The following PLPPR5 variants were observed in gnomAD, a reference collection of about 807,000 sequenced individuals.
The protein encoded by PLPPR5 is phospholipid phosphatase-related protein type 5.
In PLPPR5, 16 loss-of-function variants were observed where a neutral mutation model predicts 33.9. The observed-to-expected ratio is 0.47, with a 90% CI of 0.32 to 0.72. PLPPR5 has a LOEUF of 0.72. Among genes scored for constraint, PLPPR5 ranks in the 30% least tolerant of loss-of-function variants. The pLI is 0.03. For synonymous variants in PLPPR5, 163 were observed against 150.3 expected (o/e 1.08, Z -0.62); for missense variants, 301 against 406.7 (o/e 0.74, Z 2.23).
At chr1:98,915,022 A>G in intron 4 of PLPPR5, 102 bp from the exon 5 acceptor site, 1 of 1,003,550 alleles carries the variant, frequency 1.0e-6, no homozygotes, top group Admixed American at 2.6e-5. Context: ...GAAAGTATTA[A>G]AATTACTTAA....
At chr1:99,001,279 C>T (rs982825490) in intron 1 of PLPPR5, among the ~76,000 whole-genome samples, 10 of 151,788 alleles carry the variant, frequency 6.6e-5, no homozygotes, top group African/African-American at 2.4e-4. Flanking sequence ...GGACTACAGG[C>T]GCCCGCCACC....
chr1:98,895,387 T>A (rs1292349765), intron 5 of PLPPR5, among the ~76,000 whole-genome samples: 1 of 151,976 alleles, frequency 6.6e-6, no homozygotes, highest in Non-Finnish European at 1.5e-5. Flanking sequence ...CTGCTCCTCA[T>A]AAATTACCCA....
chr1:98,963,068 C>T (rs865808545), intron 1 of PLPPR5, among the ~76,000 whole-genome samples: 1 of 152,200 alleles, frequency 6.6e-6, no homozygotes, highest in Non-Finnish European at 1.5e-5. Flanking sequence ...GCAATTCCTA[C>T]ATAGCCTTCA....
intron 1 of PLPPR5, among the ~76,000 whole-genome samples, chr1:98,981,165 G>A (rs79996457): frequency 0.021 from 3,259 of 152,030 alleles, 55 homozygotes; most frequent in Non-Finnish European, 0.033. Context: ...TTACTTGTGC[G>A]AGAGAGGTAG....
At chr1:98,975,521 T>C (rs572324513) in intron 1 of PLPPR5, among the ~76,000 whole-genome samples, 1 of 152,172 alleles carries the variant, frequency 6.6e-6, no homozygotes, top group South Asian at 2.1e-4. Flanking sequence ...CAAATAAAGT[T>C]GTCAACAGAA....
chr1:98,950,616 C>G (rs1650744761), intron 3 of PLPPR5, among the ~76,000 whole-genome samples: 1 of 152,172 alleles, frequency 6.6e-6, no homozygotes, highest in South Asian at 2.1e-4. Context: ...ATTATAGCAG[C>G]ACAATCAACA....
chr1:98,895,264 G>A (rs966985722), intron 5 of PLPPR5, among the ~76,000 whole-genome samples: 19 of 152,018 alleles, frequency 1.2e-4, no homozygotes, highest in East Asian at 5.8e-4. Context: ...CTTCTCTCTC[G>A]TTCCCTCTTT....
At position 98,902,094 on chromosome 1, in the gene PLPPR5, T is replaced by C. The variant is rs192252296; in HGVS notation, c.934-8990A>G. Reference sequence around the variant, plus strand: ...ATGACCTTGGATGTATTACTTAACCTATGTCCCTTTCTCCTTAAAATGGAA... The same window carrying C: ...ATGACCTTGGATGTATTACTTAACCCATGTCCCTTTCTCCTTAAAATGGAA... On this transcript the variant is annotated intron_variant, in intron 5 of 5. Transcript: ENST00000263177. 2.6e-3 allele frequency among the ~76,000 whole-genome samples: 390 copies of C among 152,188 alleles called. 2 individuals carry two copies. Among genetic ancestry groups the C allele is most frequent in the African/African-American group, 8.8e-3 (364 of 41,554 alleles).
chr1:98,985,345 C>T (rs1451797596), intron 1 of PLPPR5, among the ~76,000 whole-genome samples: 8 of 152,022 alleles, frequency 5.3e-5, no homozygotes, highest in African/African-American at 1.9e-4. Flanking sequence ...GAGTCACGTG[C>T]TGCATAATAA....
Position 98,950,700 on chromosome 1 carries a change from T to G in PLPPR5, c.621+2370A>C, listed in dbSNP as rs562969957. On this transcript the variant is annotated intron_variant, in intron 3 of 5. Coordinates refer to ENST00000263177, the MANE Select transcript of PLPPR5 (RefSeq NM_001037317.2). The stretch of plus-strand genomic sequence containing the variant: ...TTAAATTTTTATTTGCTTATTTATT[T>G]AGAGACAGGGTCTTGCTCTGTTACC... Among the ~76,000 whole-genome samples the G allele has an allele frequency of 3.9e-5, 6 of 152,314 alleles. No homozygotes were observed. In the South Asian group the frequency reaches 1.2e-3, roughly 32 times the overall value.
At chr1:98,918,280 T>C (rs1649431325) in intron 4 of PLPPR5, among the ~76,000 whole-genome samples, 1 of 152,150 alleles carries the variant, frequency 6.6e-6, no homozygotes, top group Admixed American at 6.5e-5. Context: ...CTTCAATTTT[T>C]TTAAACCTGC....
chr1:99,003,056 C>CATATAT (rs59686592), intron 1 of PLPPR5, among the ~76,000 whole-genome samples: 2,782 of 80,890 alleles, frequency 0.034, 110 homozygotes, highest in East Asian at 0.057. Flanking sequence ...ACTTATTTTA[C>CATATAT]ATATATATAT....
Position 99,004,717 on chromosome 1 carries a change from C to G in PLPPR5, c.-46G>C. The G allele has an allele frequency of 2.3e-6, 3 of 1,320,066 alleles. No homozygotes were observed. The South Asian group carries it at 5.9e-5, about 26-fold the overall frequency. The allele number at this position is 1,320,066 out of a possible 1,614,324, so 81.8% of individuals were successfully genotyped here. The stretch of plus-strand genomic sequence containing the variant: ...CGAGCCGAGCCGAGCGGGCGGTCGA[C>G]GCGGTGGGCCCCCTCCCCGGTCCGC... On this transcript the variant is annotated 5_prime_UTR_variant, in exon 1 of 6. Coordinates refer to ENST00000263177, the MANE Select transcript of PLPPR5 (RefSeq NM_001037317.2).
At chr1:98,911,229 A>G (rs181981431) in intron 5 of PLPPR5, among the ~76,000 whole-genome samples, 1 of 152,314 alleles carries the variant, frequency 6.6e-6, no homozygotes, top group African/African-American at 2.4e-5. Flanking sequence ...GGGAGAGTAA[A>G]GCTGGAGCTC....
intron 1 of PLPPR5, among the ~76,000 whole-genome samples, chr1:98,960,893 C>G (rs547255552): frequency 6.6e-6 from 1 of 152,182 alleles, no homozygotes; most frequent in Non-Finnish European, 1.5e-5. Context: ...ACAGGCTCCT[C>G]CTAGCCAATG....
intron 3 of PLPPR5, among the ~76,000 whole-genome samples, chr1:98,926,721 T>C (rs1364948166): frequency 1.3e-5 from 2 of 152,256 alleles, no homozygotes; most frequent in Admixed American, 1.3e-4. Flanking sequence ...GTTATCTTTC[T>C]CCCAGATTCT....
At chr1:98,913,650 C>T (rs76783041) in intron 5 of PLPPR5, among the ~76,000 whole-genome samples, 2,687 of 152,082 alleles carry the variant, frequency 0.018, 86 homozygotes, top group African/African-American at 0.061. Context: ...ATTTTTATTC[C>T]TTCATTGAAT....
intron 1 of PLPPR5, among the ~76,000 whole-genome samples, chr1:98,962,967 A>G (rs1197323606): frequency 6.6e-6 from 1 of 152,072 alleles, no homozygotes; most frequent in East Asian, 1.9e-4. Flanking sequence ...TCTATTTACA[A>G]TTTTCAGTGT....
At chr1:98,914,046 A>G (rs1557666988) in intron 5 of PLPPR5, among the ~76,000 whole-genome samples, 2 of 152,214 alleles carry the variant, frequency 1.3e-5, no homozygotes, top group African/African-American at 4.8e-5. Context: ...CTGAGATTCA[A>G]CAAATATTTA....
Sources: allele counts gnomAD v4.1 joint callset (sites outside exome capture counted in the v4.1 genomes callset), GRCh38; gene constraint gnomAD v4.1.1; transcripts MANE v1.5; gene names NCBI Gene and HGNC (gene_info 2026-07-23, HGNC 2026-07-21).